TTC39B: variants seen among roughly 807,000 people sequenced by gnomAD.
TTC39B encodes tetratricopeptide repeat protein 39B.
In TTC39B, 92 loss-of-function variants were observed where a neutral mutation model predicts 96.6. That is an observed-to-expected ratio of 0.95 (90% CI 0.80 to 1.13). The LOEUF (loss-of-function observed/expected upper bound fraction) is 1.13, where lower values mean the gene tolerates loss of function less well. TTC39B is among the 50% of genes most tolerant of loss of function. TTC39B has a pLI of 0.00. For synonymous variants in TTC39B, 367 were observed against 299.4 expected (o/e 1.23, Z -2.33); for missense variants, 955 against 809.3 (o/e 1.18, Z -2.18).
intron 2 of TTC39B, among the ~76,000 whole-genome samples, chr9:15,264,341 G>T (rs945200302): frequency 6.6e-6 from 1 of 152,012 alleles, no homozygotes; most frequent in Non-Finnish European, 1.5e-5. Context: ...TTTCTTCCTT[G>T]CCACAGGAGG....
intron 2 of TTC39B, among the ~76,000 whole-genome samples, chr9:15,247,222 T>A (rs1822319468): frequency 6.6e-6 from 1 of 152,224 alleles, no homozygotes. Context: ...GAGAATATTT[T>A]ACATATTTGA....
intron 1 of TTC39B, among the ~76,000 whole-genome samples, chr9:15,287,290 A>G (rs1392597128): frequency 6.6e-6 from 1 of 152,230 alleles, no homozygotes; most frequent in African/African-American, 2.4e-5. Context: ...AGGGAGAGAA[A>G]TCTATAGTGA....
intron 1 of TTC39B, among the ~76,000 whole-genome samples, chr9:15,298,361 A>G (rs934516814): frequency 2.6e-5 from 4 of 152,156 alleles, no homozygotes; most frequent in Non-Finnish European, 5.9e-5. Context: ...GTATTAGTCC[A>G]TTTTCATACT....
intron 17 of TTC39B, among the ~76,000 whole-genome samples, chr9:15,178,850 C>G (rs1231434104): frequency 6.6e-6 from 1 of 152,176 alleles, no homozygotes; most frequent in African/African-American, 2.4e-5. Context: ...TATGGAGAAG[C>G]AGATGGCCTT....
At chr9:15,195,402 G>C (rs2131282769) in intron 8 of TTC39B, among the ~76,000 whole-genome samples, 1 of 152,284 alleles carries the variant, frequency 6.6e-6, no homozygotes, top group East Asian at 1.9e-4. Context: ...CGGGCACGGT[G>C]GCTCACACCT....
At chr9:15,300,290 C>G (rs547037412) in intron 1 of TTC39B, among the ~76,000 whole-genome samples, 10 of 152,258 alleles carry the variant, frequency 6.6e-5, no homozygotes, top group African/African-American at 2.4e-4. Flanking sequence ...GCACCCCTAC[C>G]CAGCCACACA....
chr9:15,262,375 A>T (rs1235030142), intron 2 of TTC39B, among the ~76,000 whole-genome samples: 1 of 152,242 alleles, frequency 6.6e-6, no homozygotes, highest in African/African-American at 2.4e-5. Flanking sequence ...CTGGGATTAC[A>T]GGCGTGAGCC....
chr9:15,205,342 A>G (rs964345002), intron 6 of TTC39B, among the ~76,000 whole-genome samples: 4 of 152,242 alleles, frequency 2.6e-5, no homozygotes, highest in African/African-American at 9.6e-5. Context: ...AGTGCTAAAT[A>G]GACTTAGATG....
chr9:15,290,535 A>C (rs1824145802), intron 1 of TTC39B, among the ~76,000 whole-genome samples: 1 of 152,224 alleles, frequency 6.6e-6, no homozygotes, highest in African/African-American at 2.4e-5. Flanking sequence ...GTATGGGACA[A>C]AGACAAGACT....
At chr9:15,254,309 T>A (rs7858999) in intron 2 of TTC39B, among the ~76,000 whole-genome samples, 16,220 of 152,212 alleles carry the variant, frequency 0.11, 1,355 homozygotes, top group African/African-American at 0.24. Flanking sequence ...GTTCTTTTTT[T>A]AAATCTTTAA....
Position 15,228,694 on chromosome 9 carries a change from T to G in TTC39B, c.276-2682A>C, listed in dbSNP as rs117658574. Among the ~76,000 whole-genome samples the G allele has an allele frequency of 5.6e-3, 848 of 152,300 alleles. 6 individuals carry two copies. Among genetic ancestry groups the G allele is most frequent in the Non-Finnish European group, 8.7e-3 (589 of 68,032 alleles). The stretch of plus-strand genomic sequence containing the variant: ...AAGTTTCCCCCTCCCACTCCTTAAG[T>G]AGAACACTGAACTGCTTGTGTTCTA... On this transcript the variant is annotated intron_variant, in intron 2 of 19. Transcript: ENST00000512701.
intron 6 of TTC39B, among the ~76,000 whole-genome samples, chr9:15,206,924 G>C (rs1027474697): frequency 6.6e-6 from 1 of 152,106 alleles, no homozygotes; most frequent in African/African-American, 2.4e-5. Flanking sequence ...GAACTGGTGG[G>C]AGATGTTTGG....
At chr9:15,176,323 C>T (rs1208382558) in intron 18 of TTC39B, among the ~76,000 whole-genome samples, 2 of 152,164 alleles carry the variant, frequency 1.3e-5, no homozygotes, top group Admixed American at 1.3e-4. Flanking sequence ...TTTTGATCAT[C>T]CTTTTAATCC....
chr9:15,278,603 AAAAC>A (rs1823637812), intron 1 of TTC39B, among the ~76,000 whole-genome samples: 5 of 152,210 alleles, frequency 3.3e-5, no homozygotes, highest in Admixed American at 2.6e-4. Context: ...AAAACAAACA[AAAAC>A]AAACAAAACC....
chr9:15,208,613 T>C (rs1012753563), intron 6 of TTC39B, among the ~76,000 whole-genome samples: 1 of 152,198 alleles, frequency 6.6e-6, no homozygotes, highest in Admixed American at 6.5e-5. Context: ...TGCAGACACA[T>C]TCTATCCGAA....
chr9:15,216,554 A>C (rs1334522450), intron 3 of TTC39B, among the ~76,000 whole-genome samples: 1 of 152,190 alleles, frequency 6.6e-6, no homozygotes, highest in Non-Finnish European at 1.5e-5. Context: ...GACACCTCCT[A>C]TAACAGTCCA....
At chr9:15,233,590 G>A (rs1375064711) in intron 2 of TTC39B, among the ~76,000 whole-genome samples, 4 of 151,534 alleles carry the variant, frequency 2.6e-5, no homozygotes, top group Non-Finnish European at 5.9e-5. Flanking sequence ...GCTCCTAACC[G>A]CCAGTGATCC....
intron 2 of TTC39B, among the ~76,000 whole-genome samples, chr9:15,228,639 T>G (rs907282690): frequency 6.6e-6 from 1 of 152,204 alleles, no homozygotes; most frequent in African/African-American, 2.4e-5. Flanking sequence ...GTCAAGTATT[T>G]TATTTGTCTT....
chr9:15,243,023 A>G (rs10961930), intron 2 of TTC39B, among the ~76,000 whole-genome samples: 171 of 152,296 alleles, frequency 1.1e-3, no homozygotes, highest in Non-Finnish European at 2.2e-3. Context: ...ACAGTCCAGA[A>G]ATCCTTTGGT....
Sources: gnomAD v4.1 joint callset for allele counts (sites outside exome capture counted in the v4.1 genomes callset) on GRCh38, gnomAD v4.1.1 for gene constraint, MANE v1.5 for transcripts, NCBI Gene and HGNC (gene_info 2026-07-23, HGNC 2026-07-21) for gene names.